STK39: variants seen among roughly 807,000 people sequenced by gnomAD.
STK39 encodes STE20/SPS1-related proline-alanine-rich protein kinase.
Under a neutral mutation model 77.8 loss-of-function variants are expected in STK39, and 20 were observed. The observed-to-expected ratio is 0.26, with a 90% confidence interval of 0.18 to 0.37. STK39 has a LOEUF of 0.37. Among genes scored for constraint, STK39 ranks in the 10% least tolerant of loss-of-function variants. STK39 has a pLI of 1.00. For synonymous variants in STK39, 246 were observed against 234.1 expected (o/e 1.05, Z -0.47); for missense variants, 479 against 656.5 (o/e 0.73, Z 2.95).
At chr2:168,031,689 C>G (rs1168823319) in intron 14 of STK39, among the ~76,000 whole-genome samples, 1 of 152,124 alleles carries the variant, frequency 6.6e-6, no homozygotes, top group Non-Finnish European at 1.5e-5. Flanking sequence ...ATAAGAACAG[C>G]AAGAAGGTCT....
intron 14 of STK39, among the ~76,000 whole-genome samples, chr2:168,034,418 G>C (rs574619658): frequency 2.0e-5 from 3 of 152,224 alleles, no homozygotes; most frequent in African/African-American, 4.8e-5. Flanking sequence ...GAAGTTAGAA[G>C]ATATAGAAGA....
At chr2:168,098,130 A>C (rs1179892934) in intron 10 of STK39, among the ~76,000 whole-genome samples, 1 of 152,250 alleles carries the variant, frequency 6.6e-6, no homozygotes, top group Non-Finnish European at 1.5e-5. Context: ...TCAAATATGC[A>C]ATCTGGAATA....
At chr2:168,142,292 A>C (rs181195645) in intron 5 of STK39, among the ~76,000 whole-genome samples, 87 of 152,330 alleles carry the variant, frequency 5.7e-4, no homozygotes, top group African/African-American at 2.0e-3. Flanking sequence ...GAAAAAATAT[A>C]TATGATAAAA....
In STK39 at chr2:168,167,324, C is replaced by G. The variant is rs1688715664; in HGVS notation, c.405G>C (p.Trp135Cys). 6.2e-7 allele frequency: 1 copy of G among 1,613,550 alleles called. No homozygotes were observed. The highest frequency in any genetic ancestry group is 1.1e-5 in the South Asian group (1 of 91,060). Residue 135 changes from tryptophan (W) to cysteine (C), a missense_variant, in exon 3 of 18, where the codon TGG (tryptophan) becomes TGC (cysteine). Physicochemically the swap from Trp to Cys is radical, Grantham distance 215 (BLOSUM62 -2). Around this residue, in one of 3 missense-constraint regions of STK39, gnomAD observed 139 missense variants for 280.6 expected, o/e 0.50. Coordinates refer to ENST00000355999, the MANE Select transcript of STK39 (RefSeq NM_013233.3). The stretch of plus-strand genomic sequence containing the variant: ...CTCCACTTAGTAATTTCATGACCAG[C>G]CAAAGTTCATCTTTGACCACAAAAG... ...YTSFVVKDELWLVMKLLSGGS... is the reference protein window; with the variant it reads ...YTSFVVKDELCLVMKLLSGGS...
chr2:168,203,273 G>T (rs35768727), intron 1 of STK39, among the ~76,000 whole-genome samples: 23,264 of 152,004 alleles, frequency 0.15, 1,872 homozygotes, highest in East Asian at 0.24. Context: ...AGGGGAGTGG[G>T]GTAAAGGAAG....
intron 17 of STK39, among the ~76,000 whole-genome samples, chr2:167,957,298 A>G (rs925491762): frequency 6.6e-6 from 1 of 152,208 alleles, no homozygotes; most frequent in African/African-American, 2.4e-5. Flanking sequence ...CATCTGACAG[A>G]TAAAGATGTT....
chr2:168,179,983 C>T lies in STK39; in HGVS notation c.321+1995G>A, dbSNP rs75778098. 7.9e-3 allele frequency among the ~76,000 whole-genome samples: 1,202 copies of T among 151,308 alleles called. 15 individuals are homozygous for T. The highest frequency in any genetic ancestry group is 0.028 in the African/African-American group (1,145 of 41,130). On this transcript the variant is annotated intron_variant, in intron 2 of 17. Coordinates refer to ENST00000355999, the MANE Select transcript of STK39 (RefSeq NM_013233.3). ...GGCACAAGTACACGCAAGCCTTACACATATTCTGTATCAATATTCTGCTAA... is the reference window on the plus strand; with the variant it reads ...GGCACAAGTACACGCAAGCCTTACATATATTCTGTATCAATATTCTGCTAA...
chr2:168,210,336 AT>A (rs893588447), intron 1 of STK39, among the ~76,000 whole-genome samples: 3 of 152,144 alleles, frequency 2.0e-5, no homozygotes, highest in Non-Finnish European at 2.9e-5. Context: ...ATTTATCACC[AT>A]TTTTTTCCCA....
At position 168,167,369 on chromosome 2, in the gene STK39, G is replaced by A. The variant is rs764142726; in HGVS notation, c.360C>T (p.Asn120=). The A allele has an allele frequency of 2.7e-5, 43 of 1,613,558 alleles. No homozygotes were observed. The highest frequency in any genetic ancestry group is 5.0e-5 in the Admixed American group (3 of 59,978). The part of the protein sequence containing the change: ...IQAMSQCSHP[N]VVTYYTSFVV... ...CAAAAGAGGTGTAATAGGTCACTAC[G>A]TTGGGATGGCTGCACTGACTCATGG... is the stretch of plus-strand genomic sequence containing the variant. Residue 120 remains asparagine (N), a synonymous_variant, in exon 3 of 18, where the codon AAC becomes AAT. Transcript: ENST00000355999.
chr2:168,201,609 C>A (rs1201929192), intron 1 of STK39, among the ~76,000 whole-genome samples: 3 of 152,178 alleles, frequency 2.0e-5, no homozygotes, highest in Non-Finnish European at 4.4e-5. Context: ...AAACTAGACA[C>A]AAATAATTTA....
At chr2:168,181,184 A>G (rs1689075608) in intron 2 of STK39, among the ~76,000 whole-genome samples, 1 of 152,178 alleles carries the variant, frequency 6.6e-6, no homozygotes, top group African/African-American at 2.4e-5. Flanking sequence ...TAACTCCTCC[A>G]CTGCAGTTTT....
At chr2:168,163,945 A>C (rs1688637930) in intron 3 of STK39, 65 bp from the exon 4 acceptor site, 1 of 1,548,174 alleles carries the variant, frequency 6.5e-7, no homozygotes, top group Non-Finnish European at 8.7e-7. Context: ...ACAAGACTCC[A>C]TTATGTATAA....
intron 17 of STK39, among the ~76,000 whole-genome samples, chr2:167,962,302 T>C (rs1692005393): frequency 6.6e-6 from 1 of 152,162 alleles, no homozygotes; most frequent in Admixed American, 6.5e-5. Flanking sequence ...GTAAATACAT[T>C]TGAATCTCTG....
intron 4 of STK39, 114 bp downstream of exon 4, chr2:168,163,625 C>A: frequency 6.3e-7 from 1 of 1,591,718 alleles, no homozygotes. Flanking sequence ...ATTTAAACAT[C>A]TCTGCAGAGG....
intron 14 of STK39, among the ~76,000 whole-genome samples, chr2:168,049,249 G>C (rs1685331946): frequency 6.6e-6 from 1 of 152,176 alleles, no homozygotes; most frequent in Admixed American, 6.5e-5. Flanking sequence ...GCTAATGCTG[G>C]ATAATGACAA....
chr2:168,235,995 G>GT (rs1373755416), intron 1 of STK39, among the ~76,000 whole-genome samples: 6 of 152,036 alleles, frequency 3.9e-5, no homozygotes, highest in African/African-American at 1.4e-4. Flanking sequence ...GGGTCAAATG[G>GT]TATTTCTAGT....
chr2:168,081,953 G>A (rs1201922136), intron 10 of STK39, among the ~76,000 whole-genome samples: 2 of 152,134 alleles, frequency 1.3e-5, no homozygotes, highest in East Asian at 3.9e-4. Context: ...GGAACTATAA[G>A]CCCATTAAAC....
At chr2:167,964,961 T>C (rs1228681927) in intron 16 of STK39, among the ~76,000 whole-genome samples, 5 of 152,230 alleles carry the variant, frequency 3.3e-5, no homozygotes, top group Non-Finnish European at 7.3e-5. Flanking sequence ...TCACTGTATG[T>C]CAACTCTGCA....
chr2:168,242,400 AAAAAATAC>A (rs968195008), intron 1 of STK39, among the ~76,000 whole-genome samples: 4 of 151,348 alleles, frequency 2.6e-5, no homozygotes, highest in African/African-American at 9.7e-5. Flanking sequence ...TGTTTCTATC[AAAAAATAC>A]AAAAATTAGC....
Sources: allele counts gnomAD v4.1 joint callset (sites outside exome capture counted in the v4.1 genomes callset), GRCh38; gene constraint gnomAD v4.1.1; regional missense constraint gnomAD v4.1.1; transcripts MANE v1.5; gene names NCBI Gene and HGNC (gene_info 2026-07-23, HGNC 2026-07-21).